Variants in HTT observed in about 807,000 individuals in gnomAD.
HTT encodes the protein huntingtin.
HTT carries 104 observed loss-of-function variants against 362.3 expected under a neutral mutation model. That is an observed-to-expected ratio of 0.29 (90% CI 0.24 to 0.34). HTT has a LOEUF of 0.34. Ranked by LOEUF, HTT falls within the 10% of genes least tolerant of loss-of-function variation. The pLI is 1.00. For missense variants in HTT, 3,301 were observed against 3,928.6 expected (o/e 0.84, Z 4.27); for synonymous variants, 1,577 against 1,548.7 (o/e 1.02, Z -0.43).
At chr4:3,153,944 C>T (rs1413765874) in intron 26 of HTT, among the ~76,000 whole-genome samples, 1 of 152,062 alleles carries the variant, frequency 6.6e-6, no homozygotes, top group Non-Finnish European at 1.5e-5. Flanking sequence ...CTGCTTTGTA[C>T]CCCTTTCATG....
In HTT at chr4:3,199,790, C is replaced by G. The variant is rs760896983; in HGVS notation, c.5427C>G (p.Gly1809=). ...GGCTGTTCCGCAGTGATGGCTGTGGCGGCAGTTTCTACACCCTGGACAGCT... is the reference window on the plus strand; with the variant it reads ...GGCTGTTCCGCAGTGATGGCTGTGGGGGCAGTTTCTACACCCTGGACAGCT... ...ATRLFRSDGC[G]GSFYTLDSLN... is the part of the protein sequence containing the mutation. Residue 1809 remains glycine, a synonymous_variant, in exon 41 of 67, where the codon GGC becomes GGG. Transcript: ENST00000355072. The G allele has an allele frequency of 9.9e-6, 16 of 1,614,182 alleles. No homozygotes were observed. The East Asian group carries it at 3.6e-4, about 36-fold the overall frequency.
chr4:3,116,145 C>T lies in HTT; in HGVS notation c.950C>T (p.Thr317Ile). The stretch of plus-strand genomic sequence containing the variant: ...CTGCTGATTCTTGGCGTGCTGCTCA[C>T]CCTGAGGTATTTGGTGCCCTTGCTG... Reference protein sequence around the residue: ...STLLILGVLLTLRYLVPLLQQ... With the variant: ...STLLILGVLLILRYLVPLLQQ... The change falls in exon 8 of 67, where the codon ACC (threonine) becomes ATC (isoleucine). Residue 317 changes from threonine (T) to isoleucine (I), a missense_variant. This residue lies in a region of HTT where 2,316 missense variants were observed against 2,658.5 expected (regional missense o/e 0.87). Coordinates refer to ENST00000355072, the MANE Select transcript of HTT (RefSeq NM_001388492.1). The T allele has an allele frequency of 6.2e-7, 1 of 1,613,948 alleles. No homozygotes were observed.
chr4:3,100,432 G>A (rs998101164), intron 3 of HTT, among the ~76,000 whole-genome samples: 1 of 152,188 alleles, frequency 6.6e-6, no homozygotes, highest in African/African-American at 2.4e-5. Flanking sequence ...CTAGCACTTT[G>A]TTGTTTGGCT....
chr4:3,098,511 A>T (rs556502202), intron 2 of HTT, among the ~76,000 whole-genome samples: 2 of 152,320 alleles, frequency 1.3e-5, no homozygotes, highest in Admixed American at 6.5e-5. Flanking sequence ...ACTGGTTTGG[A>T]TGCTTCTGAA....
At chr4:3,237,894 A>G (rs1721614312) in intron 64 of HTT, among the ~76,000 whole-genome samples, 1 of 152,238 alleles carries the variant, frequency 6.6e-6, no homozygotes, top group African/African-American at 2.4e-5. Context: ...TGTGGTAACA[A>G]GAAAAAAGTC....
intron 64 of HTT, among the ~76,000 whole-genome samples, chr4:3,236,646 G>T (rs1467970402): frequency 3.3e-5 from 5 of 152,194 alleles, no homozygotes; most frequent in Non-Finnish European, 7.3e-5. Context: ...GAGCCCACGG[G>T]GCTGTGGGAG....
At chr4:3,142,433 G>T (rs1716396495) in intron 22 of HTT, among the ~76,000 whole-genome samples, 1 of 152,112 alleles carries the variant, frequency 6.6e-6, no homozygotes, top group Admixed American at 6.6e-5. Flanking sequence ...AAAGTGCCGT[G>T]GGAGATGAGA....
chr4:3,087,348 A>G (rs1358980533), intron 2 of HTT, among the ~76,000 whole-genome samples: 1 of 152,268 alleles, frequency 6.6e-6, no homozygotes, highest in African/African-American at 2.4e-5. Context: ...TTGTTGCAAT[A>G]GTAGGAACAG....
intron 31 of HTT, among the ~76,000 whole-genome samples, chr4:3,173,428 A>G (rs536328629): frequency 6.6e-6 from 1 of 152,206 alleles, no homozygotes; most frequent in East Asian, 1.9e-4. Context: ...CTCATTGCCA[A>G]AGTGTGTCAG....
intron 27 of HTT, among the ~76,000 whole-genome samples, chr4:3,156,194 A>G (rs762850379): frequency 3.3e-5 from 5 of 152,054 alleles, no homozygotes; most frequent in Non-Finnish European, 7.4e-5. Context: ...ATCTCATCTC[A>G]CTGCAACCTC....
In HTT at chr4:3,154,418, A is replaced by C; in HGVS notation, c.3624A>C (p.Ala1208=). 6.2e-7 allele frequency: 1 copy of C among 1,613,672 alleles called. No homozygotes were observed. Among genetic ancestry groups the C allele is most frequent in the Non-Finnish European group, 8.5e-7 (1 of 1,179,818 alleles). The change falls in exon 27 of 67, where the codon GCA becomes GCC. Residue 1208 remains alanine (A), a splice_region_variant and synonymous_variant. Transcript: ENST00000355072. Reference sequence around the variant, plus strand: ...CCAAGAAAGGCAGTGAGGCCAGTGCAGGTAGGAAACAGCGTGGGGAAGGGA... The same window carrying C: ...CCAAGAAAGGCAGTGAGGCCAGTGCCGGTAGGAAACAGCGTGGGGAAGGGA... ...LSPKKGSEAS[A]ASRQSDTSGP...
At chr4:3,103,221 ATTTTTTTTT>A (rs748779241) in intron 3 of HTT, among the ~76,000 whole-genome samples, 1 of 109,070 alleles carries the variant, frequency 9.2e-6, no homozygotes, top group African/African-American at 3.7e-5. Flanking sequence ...TATATATATA[ATTTTTTTTT>A]TTTTTTTTTT....
chr4:3,137,935 G>A (rs1223607688), intron 21 of HTT, among the ~76,000 whole-genome samples: 1 of 152,090 alleles, frequency 6.6e-6, no homozygotes, highest in Non-Finnish European at 1.5e-5. Flanking sequence ...ATGAATTATG[G>A]TACTGTGAAC....
chr4:3,143,436 CAAA>C (rs1056047426), intron 23 of HTT, among the ~76,000 whole-genome samples: 3 of 70,226 alleles, frequency 4.3e-5, no homozygotes, highest in Admixed American at 1.6e-4. Context: ...GACTCTGTCT[CAAA>C]AAAAAAAAAA....
chr4:3,160,118 T>G (rs1424616830), intron 28 of HTT, among the ~76,000 whole-genome samples, 164 bp from the exon 29 acceptor site: 1 of 152,236 alleles, frequency 6.6e-6, no homozygotes, highest in Non-Finnish European at 1.5e-5. Flanking sequence ...CAAAATATTT[T>G]TCCAGTGCTG....
intron 56 of HTT, among the ~76,000 whole-genome samples, chr4:3,224,964 T>C (rs1229203101): frequency 6.6e-6 from 1 of 151,670 alleles, no homozygotes; most frequent in Non-Finnish European, 1.5e-5. Context: ...GTGGGAGGCA[T>C]ACACAGGCAG....
intron 2 of HTT, among the ~76,000 whole-genome samples, chr4:3,098,838 G>A (rs186774413): frequency 6.6e-6 from 1 of 152,288 alleles, no homozygotes; most frequent in East Asian, 1.9e-4. Flanking sequence ...TAGGTTAAGA[G>A]TAAAAGTAAA....
At chr4:3,204,552 G>A (rs1719759212) in intron 42 of HTT, among the ~76,000 whole-genome samples, 1 of 152,208 alleles carries the variant, frequency 6.6e-6, no homozygotes, top group Non-Finnish European at 1.5e-5. Flanking sequence ...TTAATACCAG[G>A]AGCAGTGGCT....
chr4:3,208,700 G>A (rs1228137878), intron 45 of HTT, 73 bp from the exon 46 acceptor site: 6 of 1,367,908 alleles, frequency 4.4e-6, no homozygotes, highest in Non-Finnish European at 5.9e-6. Context: ...ATCCTAGTGT[G>A]CAGAGTTTAG....
Sources: gnomAD v4.1 joint callset for allele counts (sites outside exome capture counted in the v4.1 genomes callset) on GRCh38, gnomAD v4.1.1 for gene constraint, gnomAD v4.1.1 regional missense constraint, MANE v1.5 for transcripts, NCBI Gene and HGNC (gene_info 2026-07-23, HGNC 2026-07-21) for gene names.